The following NOS1AP variants were observed in gnomAD, a reference collection of about 807,000 sequenced individuals.
The protein encoded by NOS1AP is nitric oxide synthase 1 adaptor protein, also known as carboxyl-terminal PDZ ligand of neuronal nitric oxide synthase protein.
Under a neutral mutation model 56.2 loss-of-function variants are expected in NOS1AP, and 21 were observed. That is an observed-to-expected ratio of 0.37 (90% confidence interval 0.26 to 0.54). The LOEUF is 0.54. NOS1AP is among the 20% of genes least tolerant of loss of function. The pLI, the probability that NOS1AP is intolerant of heterozygous loss-of-function variation, is 0.84. For missense variants in NOS1AP, 522 were observed against 657.8 expected (o/e 0.79, Z 2.26); for synonymous variants, 270 against 274.6 (o/e 0.98, Z 0.17).
chr1:162,168,039 T>A (rs571599540), intron 2 of NOS1AP, among the ~76,000 whole-genome samples: 10 of 151,370 alleles, frequency 6.6e-5, no homozygotes, highest in African/African-American at 2.4e-4. Context: ...CAAGTCTACA[T>A]TGATGTTAGT....
At chr1:162,277,580 A>C (rs1218455896) in intron 2 of NOS1AP, among the ~76,000 whole-genome samples, 1 of 152,188 alleles carries the variant, frequency 6.6e-6, no homozygotes, top group East Asian at 1.9e-4. Flanking sequence ...TAGAAAGTCT[A>C]AGCTCACCCT....
Position 162,300,818 on chromosome 1 carries a change from T to A in NOS1AP, c.344+112T>A, listed in dbSNP as rs1655626288. The A allele has an allele frequency of 5.8e-5, 50 of 858,270 alleles. No individual in the cohort carries two copies. In the South Asian group the frequency reaches 6.4e-4, roughly 11 times the overall value. The allele number at this position is 858,270 out of a possible 1,614,324, so 53.2% of individuals were successfully genotyped here. On this transcript the variant is annotated intron_variant, in intron 4 of 9. Coordinates refer to ENST00000361897, the MANE Select transcript of NOS1AP (RefSeq NM_014697.3). ...GGCAAATTTAAATAAACTTCTATGC[T>A]TTTCCCTCCTGAGACCTGTTGCTTC... is the stretch of plus-strand genomic sequence containing the variant.
intron 2 of NOS1AP, among the ~76,000 whole-genome samples, chr1:162,228,225 TC>T (rs1396335334): frequency 6.6e-6 from 1 of 152,222 alleles, no homozygotes; most frequent in African/African-American, 2.4e-5. Flanking sequence ...ATAATTTTTT[TC>T]TTGAGTTTCT....
chr1:162,193,124 A>G (rs1367592080), intron 2 of NOS1AP, among the ~76,000 whole-genome samples: 1 of 152,198 alleles, frequency 6.6e-6, no homozygotes, highest in Non-Finnish European at 1.5e-5. Context: ...CTGTACTGAA[A>G]AGATGACTCT....
At chr1:162,151,312 T>C (rs1649696330) in intron 1 of NOS1AP, among the ~76,000 whole-genome samples, 1 of 152,218 alleles carries the variant, frequency 6.6e-6, no homozygotes, top group Non-Finnish European at 1.5e-5. Flanking sequence ...TTCTGTTCCA[T>C]TGGTCTATGT....
intron 1 of NOS1AP, among the ~76,000 whole-genome samples, chr1:162,152,822 G>C (rs1649774073): frequency 6.6e-6 from 1 of 152,174 alleles, no homozygotes; most frequent in Non-Finnish European, 1.5e-5. Context: ...GGAAAAACTT[G>C]CTTTTCCCGT....
intron 4 of NOS1AP, among the ~76,000 whole-genome samples, chr1:162,330,128 G>A (rs1656717550): frequency 6.6e-6 from 1 of 152,198 alleles, no homozygotes; most frequent in Non-Finnish European, 1.5e-5. Flanking sequence ...TCAGTCCTTA[G>A]GGTATTACAT....
At chr1:162,162,260 G>A in intron 2 of NOS1AP, among the ~76,000 whole-genome samples, 1 of 152,142 alleles carries the variant, frequency 6.6e-6, no homozygotes, top group South Asian at 2.1e-4. Flanking sequence ...TATATATAAT[G>A]AATTCTAATA....
intron 3 of NOS1AP, among the ~76,000 whole-genome samples, chr1:162,295,720 G>A (rs144511757): frequency 6.6e-6 from 1 of 152,344 alleles, no homozygotes; most frequent in Non-Finnish European, 1.5e-5. Flanking sequence ...AGTCATGTGA[G>A]ATATGTGAAG....
chr1:162,192,783 T>G (rs1335647892), intron 2 of NOS1AP, among the ~76,000 whole-genome samples: 3 of 152,182 alleles, frequency 2.0e-5, no homozygotes, highest in South Asian at 2.1e-4. Context: ...CTCAGGTAAT[T>G]TTGCACCTTT....
intron 1 of NOS1AP, among the ~76,000 whole-genome samples, chr1:162,080,800 A>G (rs1464162097): frequency 1.3e-5 from 2 of 152,232 alleles, no homozygotes; most frequent in Non-Finnish European, 2.9e-5. Flanking sequence ...AGATAACATT[A>G]TAATTACTGT....
At chr1:162,162,585 G>A (rs1259630350) in intron 2 of NOS1AP, among the ~76,000 whole-genome samples, 1 of 152,186 alleles carries the variant, frequency 6.6e-6, no homozygotes, top group African/African-American at 2.4e-5. Flanking sequence ...GGTAGTCACT[G>A]TATATTCCTG....
intron 2 of NOS1AP, among the ~76,000 whole-genome samples, chr1:162,168,207 C>T (rs1650597535): frequency 6.6e-6 from 1 of 152,204 alleles, no homozygotes; most frequent in Admixed American, 6.5e-5. Context: ...ACGACGATCC[C>T]TCTCTAGGGC....
chr1:162,328,825 T>A (rs1325002458), intron 4 of NOS1AP, among the ~76,000 whole-genome samples: 2 of 152,206 alleles, frequency 1.3e-5, no homozygotes, highest in Non-Finnish European at 2.9e-5. Context: ...GATACTTTGT[T>A]AGAGAGTGAA....
chr1:162,350,454 C>T (rs1247157935), intron 6 of NOS1AP, among the ~76,000 whole-genome samples: 1 of 152,190 alleles, frequency 6.6e-6, no homozygotes, highest in Non-Finnish European at 1.5e-5. Context: ...CCCTGGGACT[C>T]CAAGCCAGGT....
chr1:162,339,332 A>G (rs1327718008), intron 5 of NOS1AP, among the ~76,000 whole-genome samples: 1 of 152,156 alleles, frequency 6.6e-6, no homozygotes, highest in Non-Finnish European at 1.5e-5. Context: ...GTGGCAAAGC[A>G]CTTTTATGGG....
intron 3 of NOS1AP, among the ~76,000 whole-genome samples, chr1:162,290,668 T>C (rs1655259826): frequency 6.6e-6 from 1 of 152,224 alleles, no homozygotes; most frequent in South Asian, 2.1e-4. Flanking sequence ...CAGCCTGACA[T>C]TGCCCACTGA....
intron 1 of NOS1AP, among the ~76,000 whole-genome samples, chr1:162,088,105 T>C (rs1692043918): frequency 1.3e-5 from 2 of 152,060 alleles, no homozygotes; most frequent in Admixed American, 6.6e-5. Context: ...AAAGATTTAG[T>C]TATGATCTTG....
At chr1:162,361,131 CACTG>C (rs1174608935) in intron 8 of NOS1AP, among the ~76,000 whole-genome samples, 1 of 152,204 alleles carries the variant, frequency 6.6e-6, no homozygotes, top group African/African-American at 2.4e-5. Context: ...TGTGCCACAT[CACTG>C]ACTTAGTATG....
Sources: allele counts gnomAD v4.1 joint callset (sites outside exome capture counted in the v4.1 genomes callset), GRCh38; gene constraint gnomAD v4.1.1; transcripts MANE v1.5; gene names NCBI Gene and HGNC (gene_info 2026-07-23, HGNC 2026-07-21).